The following TMEM272 variants were observed in gnomAD, a reference collection of about 807,000 sequenced individuals.
TMEM272 encodes the protein transmembrane protein 272.
A neutral mutation model predicts 3.7 loss-of-function variants in TMEM272; 8 were observed. That is an observed-to-expected ratio of 2.17 (90% confidence interval 1.27 to 3.91). TMEM272 has a LOEUF of 3.91. Ranked by LOEUF, TMEM272 falls within the 30% of genes most tolerant of loss-of-function variation. TMEM272 has a pLI of 0.00. For synonymous variants in TMEM272, 63 were observed against 39.8 expected (o/e 1.58, Z -2.20); for missense variants, 166 against 91.5 (o/e 1.81, Z -3.32).
At chr13:51,873,988 T>G in the TMEM272 span, among the ~76,000 whole-genome samples, 1 of 152,158 alleles carries the variant, frequency 6.6e-6, no homozygotes, top group Non-Finnish European at 1.5e-5. Context: ...CAGCCAGAAC[T>G]CAGACATGTG....
chr13:51,880,274 CCAAAAAA>C, the TMEM272 span, among the ~76,000 whole-genome samples: 1 of 26,446 alleles, frequency 3.8e-5, no homozygotes, highest in Non-Finnish European at 6.6e-5. Flanking sequence ...ATTCCTTTCA[CCAAAAAA>C]AAAAAAAAAA....
the TMEM272 span, among the ~76,000 whole-genome samples, chr13:51,857,114 T>C: frequency 1.3e-5 from 2 of 152,138 alleles, no homozygotes; most frequent in Non-Finnish European, 2.9e-5. Context: ...TTCTTATCTA[T>C]GTTTTGAAAT....
At chr13:51,852,676 G>C in the TMEM272 span, among the ~76,000 whole-genome samples, 2 of 152,044 alleles carry the variant, frequency 1.3e-5, no homozygotes, top group Admixed American at 6.6e-5. Flanking sequence ...TCAAGAGATC[G>C]AGACCATCCT....
rs1459917612 is a variant in TMEM272, at chr13:51,816,185, T to C, written c.*566A>G. 2.6e-5 allele frequency: 4 copies of C among 154,294 alleles called. No homozygotes were observed. The highest frequency in any genetic ancestry group is 9.6e-5 in the African/African-American group (4 of 41,466). The allele number at this position is 154,294 out of a possible 1,614,324, so 9.6% of individuals were successfully genotyped here. The stretch of plus-strand genomic sequence containing the variant: ...GATGTTCCACCCATCACGTCAAACC[T>C]ATCTGATATAGGGCTGGAAGAGACT... On this transcript the variant is annotated 3_prime_UTR_variant, in exon 5 of 5. Coordinates refer to ENST00000629372, the MANE Select transcript of TMEM272 (RefSeq NM_001351003.2).
chr13:51,863,103 G>C, the TMEM272 span, among the ~76,000 whole-genome samples: 2 of 152,222 alleles, frequency 1.3e-5, no homozygotes, highest in Non-Finnish European at 2.9e-5. Context: ...AGGAACAAAA[G>C]GGGCTCTCAG....
At chr13:51,924,230 C>G in the TMEM272 span, among the ~76,000 whole-genome samples, 1 of 152,060 alleles carries the variant, frequency 6.6e-6, no homozygotes, top group Non-Finnish European at 1.5e-5. Context: ...TCTCCTCCCC[C>G]ACTGTTTAAA....
the TMEM272 span, among the ~76,000 whole-genome samples, chr13:51,856,718 C>T: frequency 0.025 from 3,867 of 152,272 alleles, 67 homozygotes; most frequent in South Asian, 0.082. Flanking sequence ...CAAAATAAAG[C>T]TGCCAAAGAC....
the TMEM272 span, among the ~76,000 whole-genome samples, chr13:51,891,746 T>C: frequency 6.6e-6 from 1 of 152,272 alleles, no homozygotes; most frequent in South Asian, 2.1e-4. Flanking sequence ...GGCAGGACTG[T>C]GTCTTATTCA....
At chr13:51,920,853 G>A in the TMEM272 span, among the ~76,000 whole-genome samples, 3 of 152,166 alleles carry the variant, frequency 2.0e-5, no homozygotes, top group Non-Finnish European at 2.9e-5. Flanking sequence ...CTACAATTGC[G>A]ACAGTCACCT....
At chr13:51,890,586 C>A in the TMEM272 span, among the ~76,000 whole-genome samples, 2 of 152,152 alleles carry the variant, frequency 1.3e-5, no homozygotes, top group African/African-American at 4.8e-5. Flanking sequence ...ACTACTCAGC[C>A]TCAGGTATTC....
chr13:51,866,838 C>T, the TMEM272 span, among the ~76,000 whole-genome samples: 1 of 152,172 alleles, frequency 6.6e-6, no homozygotes, highest in African/African-American at 2.4e-5. Flanking sequence ...CTCACATATT[C>T]CCACTCACAT....
At chr13:51,829,099 A>G (rs1182611572) in intron 2 of TMEM272, among the ~76,000 whole-genome samples, 2 of 152,188 alleles carry the variant, frequency 1.3e-5, no homozygotes, top group Non-Finnish European at 2.9e-5. Context: ...AGTTTTGTAC[A>G]ATGTTTCCAA....
the TMEM272 span, among the ~76,000 whole-genome samples, chr13:51,903,757 G>T: frequency 3.9e-5 from 6 of 152,124 alleles, no homozygotes; most frequent in African/African-American, 1.4e-4. Context: ...GGCAAAGGCT[G>T]CCCCAGAATG....
At chr13:51,922,828 C>A in the TMEM272 span, among the ~76,000 whole-genome samples, 1 of 152,206 alleles carries the variant, frequency 6.6e-6, no homozygotes, top group Non-Finnish European at 1.5e-5. Flanking sequence ...CATCTCCAAT[C>A]GCATCCCTCC....
chr13:51,881,209 T>C, the TMEM272 span, among the ~76,000 whole-genome samples: 1 of 152,186 alleles, frequency 6.6e-6, no homozygotes. Flanking sequence ...GTGATGGTTG[T>C]TCTCTTCTGG....
the TMEM272 span, chr13:51,908,728 A>G: frequency 6.8e-7 from 1 of 1,468,124 alleles, no homozygotes; most frequent in Non-Finnish European, 9.5e-7. Context: ...GCTAGTCCAG[A>G]GCGTCTAGCA....
chr13:51,914,741 G>C, the TMEM272 span, among the ~76,000 whole-genome samples: 1 of 152,204 alleles, frequency 6.6e-6, no homozygotes, highest in East Asian at 1.9e-4. Context: ...CAGCCTCACA[G>C]CACCTGGGCA....
the TMEM272 span, among the ~76,000 whole-genome samples, chr13:51,926,190 T>G: frequency 6.6e-6 from 1 of 152,058 alleles, no homozygotes; most frequent in East Asian, 1.9e-4. Flanking sequence ...TTCCCTGCAC[T>G]GGTTCCTTGA....
chr13:51,827,131 C>CCATG (rs1956132683), intron 2 of TMEM272, among the ~76,000 whole-genome samples: 1 of 152,184 alleles, frequency 6.6e-6, no homozygotes, highest in African/African-American at 2.4e-5. Flanking sequence ...ATTCCACAGC[C>CCATG]CATGACATTA....
Sources: allele counts gnomAD v4.1 joint callset (sites outside exome capture counted in the v4.1 genomes callset), GRCh38; gene constraint gnomAD v4.1.1; transcripts MANE v1.5; gene names NCBI Gene and HGNC (gene_info 2026-07-23, HGNC 2026-07-21).